TNFRSF21: variants seen among roughly 807,000 people sequenced by gnomAD.
TNFRSF21 encodes tumor necrosis factor receptor superfamily member 21.
A neutral mutation model predicts 45.6 loss-of-function variants in TNFRSF21; 19 were observed. The ratio of observed to expected loss-of-function variants is 0.42; its 90% CI spans 0.29 to 0.61. TNFRSF21 has a LOEUF of 0.61. TNFRSF21 is among the 20% of genes least tolerant of loss of function. TNFRSF21 has a pLI of 0.23. For missense variants in TNFRSF21, 737 were observed against 851.5 expected (o/e 0.87, Z 1.67); for synonymous variants, 314 against 335.5 (o/e 0.94, Z 0.70).
intron 1 of TNFRSF21, among the ~76,000 whole-genome samples, chr6:47,295,702 A>G (rs1762781460): frequency 6.6e-6 from 1 of 152,234 alleles, no homozygotes; most frequent in Non-Finnish European, 1.5e-5. Context: ...AAAGGAATGC[A>G]CAAAGAGGAA....
Position 47,309,640 on chromosome 6 carries a change from G to A in TNFRSF21, c.-129C>T. On this transcript the variant is annotated 5_prime_UTR_variant, in exon 1 of 6. Coordinates refer to ENST00000296861, the MANE Select transcript of TNFRSF21 (RefSeq NM_014452.5). ...AGCCCATCTACCTCCAACACCCCATGTGCACTGCTGCGGCCGGGCAGAGGA... is the reference window on the plus strand; with the variant it reads ...AGCCCATCTACCTCCAACACCCCATATGCACTGCTGCGGCCGGGCAGAGGA... The A allele has an allele frequency of 7.9e-7, 1 of 1,268,486 alleles. No individual in the cohort carries two copies. Among genetic ancestry groups the A allele is most frequent in the Non-Finnish European group, 1.0e-6 (1 of 987,446 alleles). The allele number at this position is 1,268,486 out of a possible 1,614,324, so 78.6% of individuals were successfully genotyped here. A position where few individuals can be genotyped will look rare whatever the true frequency, so the allele number is the denominator to read the frequency against.
At chr6:47,283,621 T>C (rs1762600165) in intron 3 of TNFRSF21, among the ~76,000 whole-genome samples, 2 of 152,134 alleles carry the variant, frequency 1.3e-5, no homozygotes, top group African/African-American at 4.8e-5. Flanking sequence ...TTGCCAAACC[T>C]CTCTAAACTC....
chr6:47,275,504 G>C (rs112253715), intron 3 of TNFRSF21, among the ~76,000 whole-genome samples: 12 of 152,110 alleles, frequency 7.9e-5, no homozygotes, highest in East Asian at 1.9e-4. Context: ...GGGCCTGTTG[G>C]GGGGTGGCGG....
intron 1 of TNFRSF21, among the ~76,000 whole-genome samples, chr6:47,291,226 G>A (rs1762724107): frequency 6.6e-6 from 1 of 152,236 alleles, no homozygotes; most frequent in Non-Finnish European, 1.5e-5. Context: ...AGATGCAACA[G>A]AGTGGCCACA....
At chr6:47,289,955 C>T (rs1762700289) in intron 1 of TNFRSF21, among the ~76,000 whole-genome samples, 1 of 152,062 alleles carries the variant, frequency 6.6e-6, no homozygotes, top group African/African-American at 2.4e-5. Flanking sequence ...GATTGCGCCA[C>T]TTTACTCCAC....
intron 3 of TNFRSF21, among the ~76,000 whole-genome samples, chr6:47,259,913 G>C (rs576958642): frequency 1.3e-5 from 2 of 152,312 alleles, no homozygotes; most frequent in Admixed American, 1.3e-4. Flanking sequence ...TGACTTGTTA[G>C]TTGCATGACC....
At position 47,232,693 on chromosome 6, in the gene TNFRSF21, GA is replaced by G; in HGVS notation, c.*71del. On this transcript the variant is annotated 3_prime_UTR_variant, in exon 6 of 6. Transcript: ENST00000296861. ...CACACACCCCAAACAACAAAAATCA[GA>G]AACAGAAGAAAATTAAAAAACCACC... The G allele has an allele frequency of 2.1e-6, 3 of 1,408,238 alleles. No homozygotes were observed. The highest frequency in any genetic ancestry group is 3.0e-6 in the Non-Finnish European group (3 of 1,009,270). The allele number at this position is 1,408,238 out of a possible 1,614,324, so 87.2% of individuals were successfully genotyped here.
intron 4 of TNFRSF21, among the ~76,000 whole-genome samples, chr6:47,239,835 T>G (rs961211918): frequency 5.3e-5 from 8 of 152,196 alleles, no homozygotes; most frequent in African/African-American, 1.9e-4. Flanking sequence ...GTCTTACTGT[T>G]GCTATTTCAT....
intron 4 of TNFRSF21, among the ~76,000 whole-genome samples, chr6:47,240,906 A>C (rs1764735590): frequency 6.6e-6 from 1 of 152,238 alleles, no homozygotes; most frequent in South Asian, 2.1e-4. Context: ...ATTTCTACTA[A>C]AGGTTTATCT....
At chr6:47,239,169 C>T (rs1764708252) in intron 4 of TNFRSF21, among the ~76,000 whole-genome samples, 1 of 151,800 alleles carries the variant, frequency 6.6e-6, no homozygotes, top group Non-Finnish European at 1.5e-5. Flanking sequence ...GCCTGTAATC[C>T]CAGCTGCTCA....
At chr6:47,280,555 A>T (rs529021953) in intron 3 of TNFRSF21, among the ~76,000 whole-genome samples, 1 of 152,372 alleles carries the variant, frequency 6.6e-6, no homozygotes, top group East Asian at 1.9e-4. Context: ...AGAGATAGTT[A>T]TGCCTCAATG....
chr6:47,265,747 A>C (rs368789237), intron 3 of TNFRSF21, among the ~76,000 whole-genome samples: 2 of 152,370 alleles, frequency 1.3e-5, no homozygotes, highest in South Asian at 2.1e-4. Context: ...TTTCCTATAA[A>C]GGTTAAAAAT....
At chr6:47,265,397 G>T (rs147946938) in intron 3 of TNFRSF21, among the ~76,000 whole-genome samples, 1 of 149,962 alleles carries the variant, frequency 6.7e-6, no homozygotes, top group East Asian at 1.9e-4. Flanking sequence ...GTTTTGTTTT[G>T]TTTTTTTTAA....
rs1337951821 is a variant in TNFRSF21, at chr6:47,284,217, C to A, written c.964G>T (p.Glu322Ter). Residue 322 changes from glutamate to a stop codon, truncating the protein, a stop_gained, in exon 3 of 6, where the codon GAG (glutamate) becomes TAG (stop). Coordinates refer to ENST00000296861, the MANE Select transcript of TNFRSF21 (RefSeq NM_014452.5). LOFTEE classifies it high-confidence loss of function. ...LLPSMEATGG[E>*]KSSTPIKGPK... ...CCCTTGATGGGCGTGCTGGACTTCT[C>A]GCCCCCAGTGGCCTCCATGGACGGC... 6.2e-7 allele frequency: 1 copy of A among 1,613,984 alleles called. No individual in the cohort carries two copies. The highest frequency in any genetic ancestry group is 8.5e-7 in the Non-Finnish European group (1 of 1,180,000).
chr6:47,270,958 G>C (rs1762405911), intron 3 of TNFRSF21, among the ~76,000 whole-genome samples: 1 of 152,030 alleles, frequency 6.6e-6, no homozygotes, highest in Non-Finnish European at 1.5e-5. Flanking sequence ...GAGATGACAA[G>C]GTTAGAGAAA....
intron 3 of TNFRSF21, among the ~76,000 whole-genome samples, chr6:47,280,281 G>A (rs1246614438): frequency 1.3e-5 from 2 of 152,118 alleles, no homozygotes; most frequent in Non-Finnish European, 2.9e-5. Flanking sequence ...GTGTGAAATA[G>A]ACAAGGACCA....
intron 3 of TNFRSF21, 88 bp downstream of exon 3, chr6:47,283,850 C>G (rs1235481476): frequency 7.3e-6 from 11 of 1,512,422 alleles, no homozygotes; most frequent in Non-Finnish European, 9.8e-6. Context: ...ATTCCACAAA[C>G]TACGCATTCC....
intron 4 of TNFRSF21, among the ~76,000 whole-genome samples, chr6:47,238,005 G>A (rs1159653585): frequency 6.6e-6 from 1 of 152,062 alleles, no homozygotes; most frequent in Non-Finnish European, 1.5e-5. Context: ...AGCCAAGATC[G>A]TGCCACTGCC....
chr6:47,284,460 G>T, intron 2 of TNFRSF21, 28 bp from the exon 3 acceptor site: 3 of 1,504,272 alleles, frequency 2.0e-6, no homozygotes, highest in South Asian at 1.4e-5. Context: ...GAGGGGGGAA[G>T]AGCTTTTCCA....
Sources: allele counts gnomAD v4.1 joint callset (sites outside exome capture counted in the v4.1 genomes callset), GRCh38; gene constraint gnomAD v4.1.1; transcripts MANE v1.5; gene names NCBI Gene and HGNC (gene_info 2026-07-23, HGNC 2026-07-21).